The following CHST8 variants were observed in gnomAD, a reference collection of about 807,000 sequenced individuals.
CHST8 encodes carbohydrate sulfotransferase 8.
A neutral mutation model predicts 15.0 loss-of-function variants in CHST8; 10 were observed. That is an observed-to-expected ratio of 0.67 (90% confidence interval 0.41 to 1.13). The LOEUF (loss-of-function observed/expected upper bound fraction) is 1.13, where lower values mean the gene tolerates loss of function less well. Ranked by LOEUF, CHST8 falls within the 50% of genes most tolerant of loss-of-function variation. The pLI is 0.00. For missense variants in CHST8, 634 were observed against 608.2 expected, an observed-to-expected ratio of 1.04 and a Z score of -0.45; for synonymous variants, 259 against 256.6, an observed-to-expected ratio of 1.01 and a Z score of -0.09.
intron 1 of CHST8, among the ~76,000 whole-genome samples, chr19:33,660,938 C>A (rs1972577586): frequency 6.6e-6 from 1 of 152,072 alleles, no homozygotes; most frequent in African/African-American, 2.4e-5. Flanking sequence ...AGGCTAGGCC[C>A]CAGTTTTGGG....
At position 33,635,611 on chromosome 19, in the gene CHST8, G is replaced by C. The variant is rs563301644; in HGVS notation, c.-164+13315G>C. ...CCAGGCTAGGCCTCAAAGATGGGTG[G>C]GGGGGTGACAACACCTCATGGACCA... On this transcript the variant is annotated intron_variant, in intron 1 of 4. Transcript: ENST00000650847. Among the ~76,000 whole-genome samples, 13 of 152,186 alleles carry C rather than the reference G, an allele frequency of 8.5e-5. No individual in the cohort carries two copies. In the South Asian group the frequency reaches 2.3e-3, roughly 27 times the overall value.
At position 33,703,090 on chromosome 19, in the gene CHST8, C is replaced by T. The variant is rs140109586; in HGVS notation, c.130+13699C>T. ...CCTCCCGCACAGCCCAGGGCAGCTGCCGTGGAGAGGTGGAGGGCAGGGGAG... is the reference window on the plus strand; with the variant it reads ...CCTCCCGCACAGCCCAGGGCAGCTGTCGTGGAGAGGTGGAGGGCAGGGGAG... On this transcript the variant is annotated intron_variant, in intron 3 of 4. Transcript: ENST00000650847. Among the ~76,000 whole-genome samples the T allele has an allele frequency of 4.5e-3, 687 of 152,336 alleles. 5 individuals are homozygous for T. The highest frequency in any genetic ancestry group is 0.02 in the Middle Eastern group (6 of 294).
At position 33,689,313 on chromosome 19, in the gene CHST8, C is replaced by T. The variant is rs746928069; in HGVS notation, c.52C>T (p.Leu18=). 7 of 1,609,740 alleles carry T rather than the reference C, an allele frequency of 4.3e-6. No individual in the cohort carries two copies. The African/African-American group carries it at 9.4e-5, about 22-fold the overall frequency. ...GCTGGCCTGCATGTTCTCTTCCATC[C>T]TGCTGTTCGGAGCTGCAGGCCTCCT... is the stretch of plus-strand genomic sequence containing the variant. The part of the protein sequence containing the change: ...MRLACMFSSI[L]LFGAAGLLLF... Residue 18 remains leucine, a synonymous_variant, in exon 3 of 5, where the codon CTG becomes TTG. Transcript: ENST00000650847.
At chr19:33,747,989 T>C (rs1974345713) in intron 3 of CHST8, among the ~76,000 whole-genome samples, 1 of 152,126 alleles carries the variant, frequency 6.6e-6, no homozygotes, top group Non-Finnish European at 1.5e-5. Flanking sequence ...GAACATGGCC[T>C]GGGGAAGGAG....
intron 3 of CHST8, among the ~76,000 whole-genome samples, chr19:33,695,233 A>C (rs1158289310): frequency 6.6e-6 from 1 of 152,150 alleles, no homozygotes; most frequent in Non-Finnish European, 1.5e-5. Context: ...GGTGTGAGCC[A>C]CCACAACTGG....
intron 3 of CHST8, among the ~76,000 whole-genome samples, chr19:33,757,516 A>G (rs867022736): frequency 0.041 from 1,788 of 43,400 alleles, 416 homozygotes; most frequent in Middle Eastern, 0.087. Flanking sequence ...GAAAGAAAGA[A>G]AGAAAGAGAA....
chr19:33,630,654 CGG>C (rs1050340186), intron 1 of CHST8, among the ~76,000 whole-genome samples: 2 of 151,154 alleles, frequency 1.3e-5, no homozygotes, highest in Non-Finnish European at 2.9e-5. Flanking sequence ...TCTACGATGA[CGG>C]AGCCAGCACG....
chr19:33,758,301 G>A lies in CHST8; in HGVS notation c.131-13112G>A, dbSNP rs1298793619. On this transcript the variant is annotated intron_variant, in intron 3 of 4. Transcript: ENST00000650847. Reference sequence around the variant, plus strand: ...GTCAGGGCCGTCACCCAGACTCCGGGACCCCTGTGGGTACAGTCAGTGACC... The same window carrying A: ...GTCAGGGCCGTCACCCAGACTCCGGAACCCCTGTGGGTACAGTCAGTGACC... Among the ~76,000 whole-genome samples, 6 of 152,168 alleles carry A rather than the reference G, an allele frequency of 3.9e-5. No individual in the cohort carries two copies. In the South Asian group the frequency reaches 1.2e-3, roughly 31 times the overall value.
At chr19:33,631,775 AC>A (rs59203276) in intron 1 of CHST8, among the ~76,000 whole-genome samples, 1,603 of 151,716 alleles carry the variant, frequency 0.011, 36 homozygotes, top group African/African-American at 0.037. Context: ...CCCTCCCTCC[AC>A]CCCAGGCAGC....
chr19:33,763,800 G>A (rs1166141162), intron 3 of CHST8, among the ~76,000 whole-genome samples: 1 of 152,250 alleles, frequency 6.6e-6, no homozygotes, highest in Non-Finnish European at 1.5e-5. Context: ...GGCAGTCAGA[G>A]GCCCATGGGG....
At chr19:33,725,000 G>C (rs1008482597) in intron 3 of CHST8, among the ~76,000 whole-genome samples, 2 of 152,168 alleles carry the variant, frequency 1.3e-5, no homozygotes, top group Non-Finnish European at 2.9e-5. Context: ...GAGCTCCCGG[G>C]AGCCATCGGC....
At chr19:33,655,968 C>T (rs761294046) in intron 1 of CHST8, among the ~76,000 whole-genome samples, 1 of 152,110 alleles carries the variant, frequency 6.6e-6, no homozygotes, top group Non-Finnish European at 1.5e-5. Context: ...CTGTCCAGGT[C>T]ATGTATTATC....
intron 1 of CHST8, among the ~76,000 whole-genome samples, chr19:33,634,636 G>T (rs556692383): frequency 7.1e-6 from 1 of 140,280 alleles, no homozygotes; most frequent in African/African-American, 2.7e-5. Context: ...TTGACCCATT[G>T]GTCCTTCTAG....
chr19:33,667,610 A>T (rs750324131), intron 1 of CHST8, among the ~76,000 whole-genome samples, 157 bp from the exon 2 acceptor site: 1 of 152,056 alleles, frequency 6.6e-6, no homozygotes, highest in African/African-American at 2.4e-5. Context: ...CTTTTCCTCC[A>T]TTGAGCGAAT....
chr19:33,722,774 C>A (rs1568342990), intron 3 of CHST8, among the ~76,000 whole-genome samples: 1 of 152,206 alleles, frequency 6.6e-6, no homozygotes, highest in Non-Finnish European at 1.5e-5. Flanking sequence ...CAGCCACCCC[C>A]AGTTCCCCAC....
At chr19:33,729,199 A>C (rs928329400) in intron 3 of CHST8, among the ~76,000 whole-genome samples, 3 of 152,220 alleles carry the variant, frequency 2.0e-5, no homozygotes, top group Admixed American at 6.5e-5. Context: ...GACTGTCATT[A>C]AAGTGCAGCT....
intron 2 of CHST8, among the ~76,000 whole-genome samples, chr19:33,682,787 A>G (rs1309377441): frequency 6.6e-6 from 1 of 152,238 alleles, no homozygotes; most frequent in Non-Finnish European, 1.5e-5. Flanking sequence ...GGTTCCTAGC[A>G]TCACAATATA....
At chr19:33,726,336 G>A (rs1429739231) in intron 3 of CHST8, among the ~76,000 whole-genome samples, 1 of 152,198 alleles carries the variant, frequency 6.6e-6, no homozygotes, top group Non-Finnish European at 1.5e-5. Flanking sequence ...TGAGGTGGGA[G>A]GATCACTTTA....
chr19:33,686,423 G>A (rs544232233), intron 2 of CHST8, among the ~76,000 whole-genome samples: 1 of 152,304 alleles, frequency 6.6e-6, no homozygotes, highest in Non-Finnish European at 1.5e-5. Flanking sequence ...CCTTGACAGT[G>A]GATGTCGGTA....
Sources: gnomAD v4.1 joint callset for allele counts (sites outside exome capture counted in the v4.1 genomes callset) on GRCh38, gnomAD v4.1.1 for gene constraint, MANE v1.5 for transcripts, NCBI Gene and HGNC (gene_info 2026-07-23, HGNC 2026-07-21) for gene names.